PLEC: variants seen among roughly 807,000 people sequenced by gnomAD.
PLEC encodes the protein plectin.
Under a neutral mutation model 392.8 loss-of-function variants are expected in PLEC, and 216 were observed. The ratio of observed to expected loss-of-function variants is 0.55; its 90% confidence interval spans 0.49 to 0.62. The LOEUF (loss-of-function observed/expected upper bound fraction) is 0.62, where lower values mean the gene tolerates loss of function less well. Among genes scored for constraint, PLEC ranks in the 20% least tolerant of loss-of-function variants. PLEC has a pLI of 0.00. For missense variants in PLEC, 6,863 were observed against 6,563.4 expected, an observed-to-expected ratio of 1.05 and a Z score of -1.58; for synonymous variants, 3,621 against 2,980.6, an observed-to-expected ratio of 1.21 and a Z score of -7.00.
upstream of PLEC, among the ~76,000 whole-genome samples, chr8:143,956,084 A>G (rs1271558667): frequency 6.6e-6 from 1 of 151,624 alleles, no homozygotes; most frequent in Non-Finnish European, 1.5e-5. Flanking sequence ...TGCAGCTGGG[A>G]CTACGGATGT....
intron 2 of PLEC, 113 bp from the exon 3 acceptor site, chr8:143,938,353 G>C (rs1829622615): frequency 1.6e-5 from 24 of 1,536,188 alleles, no homozygotes; most frequent in Non-Finnish European, 2.1e-5. Flanking sequence ...CGGGGGCTGA[G>C]TCTCCCGGGA....
chr8:143,942,535 C>T (rs1554729619), upstream of PLEC: 1 of 1,551,278 alleles, frequency 6.4e-7, no homozygotes, highest in Admixed American at 1.9e-5. Context: ...GGCCGGAGCC[C>T]TGGTTCGGCC....
rs1830003448 is a variant in PLEC at position 143,939,491 on chromosome 8, C to G, written c.-30G>C. The G allele has an allele frequency of 2.5e-6, 4 of 1,595,520 alleles. No homozygotes were observed. Among genetic ancestry groups the G allele is most frequent in the Non-Finnish European group, 1.7e-6 (2 of 1,172,204 alleles). On this transcript the variant is annotated 5_prime_UTR_variant, in exon 1 of 32. Coordinates refer to ENST00000345136, the MANE Select transcript of PLEC (RefSeq NM_201384.3). Reference sequence around the variant, plus strand: ...CCCCCACACCTTCGTCGCCCGGACCCTCGGCCTCAGGCACGGTGCTCTGGG... The same window carrying G: ...CCCCCACACCTTCGTCGCCCGGACCGTCGGCCTCAGGCACGGTGCTCTGGG...
rs1554687577 is a variant in PLEC, at chr8:143,921,901, T to C, written c.7920A>G (p.Ala2640=). ...GGCCATCGAAGCTGTGCTCCGGCTCTGCCTCTGCCGCGGGGCCATCAAGTG... is the reference window on the plus strand; with the variant it reads ...GGCCATCGAAGCTGTGCTCCGGCTCCGCCTCTGCCGCGGGGCCATCAAGTG... ...RDALDGPAAE[A]EPEHSFDGLR... The change falls in exon 32 of 32, where the codon GCA becomes GCG. Residue 2640 remains alanine (A), a synonymous_variant. Transcript: ENST00000345136. The C allele has an allele frequency of 1.2e-6, 2 of 1,600,382 alleles. No individual in the cohort carries two copies. Among genetic ancestry groups the C allele is most frequent in the South Asian group, 1.1e-5 (1 of 91,032 alleles).
chr8:143,948,329 G>A (rs1554733314), intron 1 of PLEC, among the ~76,000 whole-genome samples: 1 of 152,234 alleles, frequency 6.6e-6, no homozygotes, highest in African/African-American at 2.4e-5. Context: ...GTGCAGTGGG[G>A]AAGGGCAGGG....
chr8:143,933,266 C>A lies in PLEC; in HGVS notation c.1349G>T (p.Arg450Leu), dbSNP rs782334335. The A allele has an allele frequency of 6.2e-7, 1 of 1,613,176 alleles. No individual in the cohort carries two copies. The highest frequency in any genetic ancestry group is 1.1e-5 in the South Asian group (1 of 91,088). ...GGTCTGCACGTCGTTGAAGAGCAGC[C>A]GGATCATGCTATCCGCCTTGTCCAA... ...RDLDKADSMI[R>L]LLFNDVQTLK... Residue 450 changes from arginine to leucine, a missense_variant, in exon 13 of 32, where the codon CGG becomes CTG. By Grantham distance (102) the Arg-to-Leu change is moderately radical (BLOSUM62 -2). Transcript: ENST00000345136.
At chr8:143,939,159 T>C (rs1229555167) in intron 1 of PLEC, among the ~76,000 whole-genome samples, 191 bp downstream of exon 1, 1 of 152,056 alleles carries the variant, frequency 6.6e-6, no homozygotes, top group Non-Finnish European at 1.5e-5. Context: ...CATCTGACGC[T>C]CGGAGGCCCC....
intron 1 of PLEC, chr8:143,945,071 G>T: frequency 2.5e-6 from 1 of 405,752 alleles, no homozygotes. Flanking sequence ...CACCTGCCCT[G>T]CCAAGCCAGG....
At chr8:143,967,146 GA>G (rs1833139251) in intron 1 of PLEC, among the ~76,000 whole-genome samples, 1 of 151,640 alleles carries the variant, frequency 6.6e-6, no homozygotes, top group Non-Finnish European at 1.5e-5. Flanking sequence ...GGCAGATCAC[GA>G]GGTCAGGAGA....
rs1820717208 is a variant in PLEC, at chr8:143,916,789, G to C, written c.13032C>G (p.Ile4344Met). 1.9e-6 allele frequency: 3 copies of C among 1,613,338 alleles called. No homozygotes were observed. Among genetic ancestry groups the C allele is most frequent in the Non-Finnish European group, 2.5e-6 (3 of 1,179,974 alleles). Residue 4344 changes from isoleucine (I) to methionine (M), a missense_variant, in exon 32 of 32, where the codon ATC becomes ATG. Transcript: ENST00000345136. ...DAVNKGLVDK[I>M]MVDRINLAQK... ...GGGCCAGGTTGATGCGGTCCACCAT[G>C]ATCTTGTCCACCAGGCCCTTGTTGA...
Position 143,929,110 on chromosome 8 carries a change from G to A in PLEC, c.3253C>T (p.Leu1085=), listed in dbSNP as rs781989280. 2.5e-6 allele frequency: 4 copies of A among 1,575,078 alleles called. No homozygotes were observed. Among genetic ancestry groups the A allele is most frequent in the Admixed American group, 3.7e-5 (2 of 53,964 alleles). ...EQVRSLSAIY[L]EKLKTISLVI... ...GTGGCCAGGTGCACTCACTTCTCCA[G>A]GTAGATGGCAGACAGGCTGCGGACC... Residue 1085 remains leucine, a synonymous_variant, in exon 25 of 32, where the codon CTG becomes TTG. Transcript: ENST00000345136.
chr8:143,929,931 C>A lies in PLEC; in HGVS notation c.2739+5G>T. ...AGAGAGCCCCCGGCTCGGGGGCAGG[C>A]GTACCGTGGCCAGGGACCAGGAGCG... On this transcript the variant is annotated splice_donor_5th_base_variant and intron_variant, in intron 22 of 31. Transcript: ENST00000345136. 6.2e-7 allele frequency: 1 copy of A among 1,609,064 alleles called. No individual in the cohort carries two copies. The highest frequency in any genetic ancestry group is 8.5e-7 in the Non-Finnish European group (1 of 1,179,368).
At chr8:143,974,670 C>G (rs35760136), upstream of PLEC, among the ~76,000 whole-genome samples, 4 of 152,362 alleles carry the variant, frequency 2.6e-5, no homozygotes, top group East Asian at 7.7e-4. The surrounding 1 kb of genome is among the most constrained non-coding windows in gnomAD (Gnocchi z 5.9). Context: ...TAGCACAGCT[C>G]TAGGTCACCC....
chr8:143,920,115 T>C lies in PLEC; in HGVS notation c.9706A>G (p.Lys3236Glu), dbSNP rs576165288. 25 of 1,613,054 alleles carry C rather than the reference T, an allele frequency of 1.5e-5. 1 individual carries two copies. In the South Asian group the frequency reaches 2.5e-4, roughly 16 times the overall value. The change falls in exon 32 of 32, where the codon AAG becomes GAG. Residue 3236 changes from lysine to glutamate, a missense_variant. Coordinates refer to ENST00000345136, the MANE Select transcript of PLEC (RefSeq NM_201384.3). ...CCCACGGGGACCTCAACCGGGGTCT[T>C]TTCAAAGGTCTCACGGGCCTGCAGC... The part of the protein sequence containing the change: ...SELQARETFE[K>E]TPVEVPVGGF...
At chr8:143,944,246 C>G (rs1831085749), upstream of PLEC, among the ~76,000 whole-genome samples, 2 of 152,184 alleles carry the variant, frequency 1.3e-5, no homozygotes, top group Admixed American at 6.5e-5. Flanking sequence ...CCTGGCCAAG[C>G]CGCAGCCCCC....
Position 143,918,088 on chromosome 8 carries a change from C to A in PLEC, c.11733G>T (p.Leu3911=), listed in dbSNP as rs1464097349. ...QVMDEATALQ[L]REGLTSIEEV... ...CCTCGATGGAGGTCAGGCCCTCCCG[C>A]AGCTGCAGCGCCGTGGCCTCGTCCA... The change falls in exon 32 of 32, where the codon CTG becomes CTT. Residue 3911 remains leucine, a synonymous_variant. Coordinates refer to ENST00000345136, the MANE Select transcript of PLEC (RefSeq NM_201384.3). 6.3e-7 allele frequency: 1 copy of A among 1,596,670 alleles called. No individual in the cohort carries two copies. The highest frequency in any genetic ancestry group is 1.3e-5 in the African/African-American group (1 of 74,704).
In PLEC at chr8:143,920,951, TTGA is replaced by T; in HGVS notation, c.8867_8869del (p.Ile2956del). The T allele has an allele frequency of 6.2e-7, 1 of 1,613,064 alleles. No homozygotes were observed. Among genetic ancestry groups the T allele is most frequent in the Non-Finnish European group, 8.5e-7 (1 of 1,180,024 alleles). ...CTCCTCCACCACCGTGATGATGATC[TTGA>T]TGATCTTCTCCACTGTGATCCGGCC... is the stretch of plus-strand genomic sequence containing the variant. On this transcript the variant is annotated inframe_deletion, in exon 32 of 32. Transcript: ENST00000345136.
In PLEC at chr8:143,915,999, T is replaced by TC; in HGVS notation, c.*177dup. On this transcript the variant is annotated 3_prime_UTR_variant, in exon 32 of 32. Coordinates refer to ENST00000345136, the MANE Select transcript of PLEC (RefSeq NM_201384.3). ...GGCCAGCAGGGCTGGGCCAGCCCTGTCCCCCAAGATACAGGCTGTCTGGAC... is the reference window on the plus strand; with the variant it reads ...GGCCAGCAGGGCTGGGCCAGCCCTGTCCCCCCAAGATACAGGCTGTCTGGAC... 1.9e-6 allele frequency: 1 copy of TC among 512,856 alleles called. No individual in the cohort carries two copies. 31.8% of individuals were successfully genotyped at this position (512,856 alleles called of 1,614,324 possible). A position where few individuals can be genotyped will look rare whatever the true frequency, so the allele number is the denominator to read the frequency against.
intron 1 of PLEC, among the ~76,000 whole-genome samples, chr8:143,961,581 G>C (rs1299933563): frequency 6.6e-6 from 1 of 152,110 alleles, no homozygotes; most frequent in Non-Finnish European, 1.5e-5. Flanking sequence ...CTACAACACT[G>C]TTCACTGCAG....
Sources: gnomAD v4.1 joint callset for allele counts (sites outside exome capture counted in the v4.1 genomes callset) on GRCh38, gnomAD v4.1.1 for gene constraint, Gnocchi (gnomAD v3.1) non-coding constraint, MANE v1.5 for transcripts, NCBI Gene and HGNC (gene_info 2026-07-23, HGNC 2026-07-21) for gene names.